COL4A2: variants seen among roughly 807,000 people sequenced by gnomAD.
COL4A2 encodes the protein collagen alpha-2(IV) chain.
Under a neutral mutation model 200.2 loss-of-function variants are expected in COL4A2, and 99 were observed. The observed-to-expected ratio is 0.49, with a 90% CI of 0.42 to 0.58. The LOEUF is 0.58. COL4A2 is among the 20% of genes least tolerant of loss of function. The pLI, the probability that COL4A2 is intolerant of heterozygous loss-of-function variation, is 0.00. For missense variants in COL4A2, 1,950 were observed against 2,314.1 expected (o/e 0.84, Z 3.23); for synonymous variants, 897 against 900.6 (o/e 1.00, Z 0.07).
At chr13:110,321,330 T>C (rs529633094) in intron 3 of COL4A2, among the ~76,000 whole-genome samples, 1 of 152,280 alleles carries the variant, frequency 6.6e-6, no homozygotes, top group East Asian at 1.9e-4. Context: ...TGGTAAAATA[T>C]ATGTAACATA....
intron 31 of COL4A2, among the ~76,000 whole-genome samples, chr13:110,482,175 C>T (rs1391269891): frequency 6.6e-6 from 1 of 152,242 alleles, no homozygotes; most frequent in Non-Finnish European, 1.5e-5. Flanking sequence ...CTGCTGCCTT[C>T]CTTTCCAGCG....
chr13:110,344,220 A>ATT (rs1876599886), intron 3 of COL4A2, among the ~76,000 whole-genome samples: 1 of 152,240 alleles, frequency 6.6e-6, no homozygotes, highest in African/African-American at 2.4e-5. Flanking sequence ...CTATGATTAC[A>ATT]TTGATGGCCT....
chr13:110,485,015 C>G lies in COL4A2; in HGVS notation c.3013C>G (p.Leu1005Val), dbSNP rs767899188. The G allele has an allele frequency of 1.7e-5, 27 of 1,600,874 alleles. No homozygotes were observed. The Admixed American group carries it at 4.6e-4, about 27-fold the overall frequency. The change falls in exon 33 of 48, where the codon CTG becomes GTG. Residue 1005 changes from leucine (L) to valine (V), a missense_variant. Around this residue, in one of 2 missense-constraint regions of COL4A2, gnomAD observed 1,385 missense variants for 1,720.5 expected, o/e 0.80. Transcript: ENST00000360467. ...AGGGCCTATGGGGCTGAAAGGATACCTGGGCGCAAAAGGTGAGGCTTCTGA... is the reference window on the plus strand; with the variant it reads ...AGGGCCTATGGGGCTGAAAGGATACGTGGGCGCAAAAGGTGAGGCTTCTGA... ...DEGPMGLKGYLGAKGIQGMPG... is the reference protein window; with the variant it reads ...DEGPMGLKGYVGAKGIQGMPG...
intron 20 of COL4A2, among the ~76,000 whole-genome samples, chr13:110,455,370 A>G: frequency 6.6e-6 from 1 of 152,000 alleles, no homozygotes; most frequent in East Asian, 1.9e-4. Flanking sequence ...TCCCCACTTC[A>G]GGGGCTCCTT....
chr13:110,331,450 G>A (rs372227876), intron 3 of COL4A2, among the ~76,000 whole-genome samples: 4 of 152,184 alleles, frequency 2.6e-5, no homozygotes, highest in East Asian at 1.9e-4. Flanking sequence ...GAGAGCAGCC[G>A]GCCGTGGCTG....
intron 34 of COL4A2, among the ~76,000 whole-genome samples, chr13:110,487,445 T>A (rs760075309): frequency 1.3e-5 from 2 of 152,030 alleles, no homozygotes; most frequent in African/African-American, 2.4e-5. Context: ...AAAGCAAGAC[T>A]CCATCTCAAA....
intron 34 of COL4A2, among the ~76,000 whole-genome samples, chr13:110,486,476 C>A (rs1883122189): frequency 1.3e-5 from 2 of 152,164 alleles, no homozygotes; most frequent in Admixed American, 1.3e-4. Flanking sequence ...CCTAGAATTC[C>A]ATTTCTAGCC....
rs74679761 is a variant in COL4A2 at position 110,502,812 on chromosome 13, G to A, written c.3878-309G>A. On this transcript the variant is annotated intron_variant, in intron 41 of 47. Coordinates refer to ENST00000360467, the MANE Select transcript of COL4A2 (RefSeq NM_001846.4). ...ACAATGGCTGTTGCTGAGGGTTGGG[G>A]GGAGAGGGACACGGGGAGTGCGTGT... is the stretch of plus-strand genomic sequence containing the variant. 0.019 allele frequency: 5,700 copies of A among 295,046 alleles called. 235 individuals carry two copies. Among genetic ancestry groups the A allele is most frequent in the East Asian group, 0.14 (1,457 of 10,108 alleles). The allele number at this position is 295,046 out of a possible 1,614,324, so 18.3% of individuals were successfully genotyped here.
At chr13:110,500,814 C>T (rs551203186) in intron 40 of COL4A2, among the ~76,000 whole-genome samples, 7 of 152,338 alleles carry the variant, frequency 4.6e-5, no homozygotes, top group South Asian at 2.1e-4. Context: ...TGCACTCACT[C>T]GTGCCTGAAT....
At chr13:110,471,234 G>A (rs1486588892) in intron 28 of COL4A2, among the ~76,000 whole-genome samples, 1 of 152,204 alleles carries the variant, frequency 6.6e-6, no homozygotes, top group Non-Finnish European at 1.5e-5. Context: ...GCCACACGGG[G>A]CTCCCCTGTA....
chr13:110,361,221 T>G (rs749351277), intron 4 of COL4A2, among the ~76,000 whole-genome samples: 1 of 152,272 alleles, frequency 6.6e-6, no homozygotes, highest in Non-Finnish European at 1.5e-5. Context: ...GTGGCTTAAC[T>G]ATTTATTAAT....
At chr13:110,466,926 C>A in intron 26 of COL4A2, 114 bp from the exon 27 acceptor site, 1 of 1,330,516 alleles carries the variant, frequency 7.5e-7, no homozygotes, top group South Asian at 1.3e-5. Context: ...TACTCTGATC[C>A]CAGAATGGTA....
intron 45 of COL4A2, among the ~76,000 whole-genome samples, chr13:110,505,648 G>A (rs985602982): frequency 5.9e-5 from 9 of 152,202 alleles, no homozygotes; most frequent in Non-Finnish European, 7.3e-5. Flanking sequence ...GAGCTGCTGT[G>A]CTGGAGGCAG....
intron 3 of COL4A2, among the ~76,000 whole-genome samples, chr13:110,317,666 A>G (rs958938525): frequency 6.6e-5 from 10 of 152,244 alleles, no homozygotes; most frequent in Non-Finnish European, 1.2e-4. Flanking sequence ...TTTCACCTGC[A>G]GAACCAAGAG....
At chr13:110,421,186 T>A (rs754660105) in intron 4 of COL4A2, among the ~76,000 whole-genome samples, 3 of 152,152 alleles carry the variant, frequency 2.0e-5, no homozygotes, top group Non-Finnish European at 4.4e-5. Context: ...AATTTAGCAA[T>A]ACCTCAAATA....
At chr13:110,501,868 A>G in intron 41 of COL4A2, 84 bp downstream of exon 41, 1 of 1,348,132 alleles carries the variant, frequency 7.4e-7, no homozygotes, top group Admixed American at 2.0e-5. Flanking sequence ...GGGAGAACAG[A>G]CGTTCATTTC....
chr13:110,423,686 G>A (rs912558526), intron 4 of COL4A2, among the ~76,000 whole-genome samples: 2 of 151,980 alleles, frequency 1.3e-5, no homozygotes, highest in African/African-American at 4.8e-5. Context: ...TTCCCAAACC[G>A]AAGCTCTGTC....
In COL4A2 at chr13:110,466,032, G is replaced by A. The variant is rs1227076681; in HGVS notation, c.2008G>A (p.Gly670Arg). The change falls in exon 26 of 48, where the codon GGA becomes AGA. Residue 670 changes from glycine (G) to arginine (R), a missense_variant. Physicochemically the swap from Gly to Arg is moderately radical, Grantham distance 125. Around this residue, in one of 2 missense-constraint regions of COL4A2, gnomAD observed 1,385 missense variants for 1,720.5 expected, o/e 0.80. Transcript: ENST00000360467. ...TGACACAGATGTGAAAAGGGCCGTTGGAGGTGACAGACAGGAGGCCATCCA... is the reference window on the plus strand; with the variant it reads ...TGACACAGATGTGAAAAGGGCCGTTAGAGGTGACAGACAGGAGGCCATCCA... Reference protein sequence around the residue: ...DCDTDVKRAVGGDRQEAIQPG... With the variant: ...DCDTDVKRAVRGDRQEAIQPG... 3 of 1,613,888 alleles carry A rather than the reference G, an allele frequency of 1.9e-6. No individual in the cohort carries two copies. Among genetic ancestry groups the A allele is most frequent in the Middle Eastern group, 3.3e-4 (2 of 6,062 alleles).
At chr13:110,309,150 T>A (rs549989221) in intron 3 of COL4A2, among the ~76,000 whole-genome samples, 1 of 152,280 alleles carries the variant, frequency 6.6e-6, no homozygotes, top group Non-Finnish European at 1.5e-5. Flanking sequence ...TCTGCCCTGA[T>A]GTAAAACAAA....
Sources: allele counts gnomAD v4.1 joint callset (sites outside exome capture counted in the v4.1 genomes callset), GRCh38; gene constraint gnomAD v4.1.1; regional missense constraint gnomAD v4.1.1; transcripts MANE v1.5; gene names NCBI Gene and HGNC (gene_info 2026-07-23, HGNC 2026-07-21).